ADGRF5: variants seen among roughly 807,000 people sequenced by gnomAD.
ADGRF5 encodes the protein G-protein coupled receptor 116.
Under a neutral mutation model 132.3 loss-of-function variants are expected in ADGRF5, and 75 were observed. That is an observed-to-expected ratio of 0.57 (90% confidence interval 0.47 to 0.69). The LOEUF is 0.69. ADGRF5 is among the 30% of genes least tolerant of loss of function. ADGRF5 has a pLI of 0.00. For missense variants in ADGRF5, 1,516 were observed against 1,630.6 expected (o/e 0.93, Z 1.21); for synonymous variants, 629 against 597.6 (o/e 1.05, Z -0.77).
At chr6:46,886,873 T>C (rs1450637342) in intron 4 of ADGRF5, 2 of 152,190 alleles carry the variant, frequency 1.3e-5, no homozygotes, top group Non-Finnish European at 2.9e-5. Flanking sequence ...GTATCCACTT[T>C]TGTCAAACCT....
intron 1 of ADGRF5, chr6:46,908,859 T>C (rs1775656156): frequency 6.6e-6 from 1 of 152,156 alleles, no homozygotes; most frequent in Admixed American, 6.5e-5. Flanking sequence ...TCAGGGATTC[T>C]TCACTCAAAA....
chr6:46,873,494 C>A (rs1240519049), intron 10 of ADGRF5, among the ~76,000 whole-genome samples: 1 of 152,134 alleles, frequency 6.6e-6, no homozygotes, highest in Admixed American at 6.5e-5. Flanking sequence ...ATGCTTGAGT[C>A]CTAGATGTCT....
intron 3 of ADGRF5, among the ~76,000 whole-genome samples, 191 bp downstream of exon 3, chr6:46,899,838 G>A (rs1365369950): frequency 6.6e-6 from 1 of 152,022 alleles, no homozygotes; most frequent in Non-Finnish European, 1.5e-5. Flanking sequence ...CTTACGTGTT[G>A]TTATGATCCA....
intron 2 of ADGRF5, among the ~76,000 whole-genome samples, chr6:46,900,758 T>C (rs1343140703): frequency 6.6e-6 from 1 of 152,168 alleles, no homozygotes; most frequent in Non-Finnish European, 1.5e-5. Context: ...AATAACAATA[T>C]CAACTTCATA....
intron 12 of ADGRF5, 21 bp downstream of exon 12, chr6:46,868,862 G>T: frequency 6.7e-7 from 1 of 1,482,376 alleles, no homozygotes; most frequent in East Asian, 2.3e-5. Flanking sequence ...AGCACAATAC[G>T]GTGTCCGGCC....
chr6:46,941,387 CAA>C (rs1178957512), intron 1 of ADGRF5, among the ~76,000 whole-genome samples: 1 of 83,120 alleles, frequency 1.2e-5, no homozygotes, highest in African/African-American at 5.2e-5. Context: ...AAGAAAGAAA[CAA>C]AGAAAAGAAA....
chr6:46,922,904 A>T (rs1777053173), upstream of ADGRF5, among the ~76,000 whole-genome samples: 1 of 152,198 alleles, frequency 6.6e-6, no homozygotes, highest in Non-Finnish European at 1.5e-5. Context: ...GGCCGGGTAC[A>T]CATTACTTGA....
intron 3 of ADGRF5, among the ~76,000 whole-genome samples, chr6:46,892,888 T>C (rs1026752260): frequency 6.6e-6 from 1 of 152,196 alleles, no homozygotes; most frequent in Non-Finnish European, 1.5e-5. Flanking sequence ...GTAATTTTAC[T>C]ATTTATTGAA....
At chr6:46,929,276 G>A (rs1435282785) in intron 1 of ADGRF5, among the ~76,000 whole-genome samples, 1 of 152,010 alleles carries the variant, frequency 6.6e-6, no homozygotes, top group Non-Finnish European at 1.5e-5. Flanking sequence ...CTCACTCATA[G>A]GTGAGAATTG....
rs543218876 is a variant in ADGRF5, at chr6:46,904,574, T to C, written c.102+2087A>G. Among the ~76,000 whole-genome samples, 8 of 152,290 alleles carry C rather than the reference T, an allele frequency of 5.3e-5. No homozygotes were observed. In the South Asian group the frequency reaches 1.7e-3, roughly 32 times the overall value. ...AAGGAAATGAGGAGTTATTGACAAA[T>C]GGGTATAGAGTTTGAGTTTTGCAAA... On this transcript the variant is annotated intron_variant, in intron 2 of 20. Transcript: ENST00000283296.
intron 1 of ADGRF5, among the ~76,000 whole-genome samples, chr6:46,937,971 G>T (rs548031312): frequency 1.3e-5 from 2 of 151,776 alleles, no homozygotes; most frequent in Non-Finnish European, 2.9e-5. Context: ...AATATTTATC[G>T]ACCCCACTTG....
chr6:46,942,854 G>A (rs1047292188), intron 1 of ADGRF5, among the ~76,000 whole-genome samples: 1 of 152,172 alleles, frequency 6.6e-6, no homozygotes, highest in Non-Finnish European at 1.5e-5. Flanking sequence ...TGAGAGATGT[G>A]TGCGTGTGTC....
intron 8 of ADGRF5, among the ~76,000 whole-genome samples, chr6:46,880,562 A>C (rs1010658948): frequency 1.3e-5 from 2 of 152,142 alleles, no homozygotes; most frequent in Non-Finnish European, 2.9e-5. Flanking sequence ...GGACCTCTTT[A>C]AGAGTGGGAG....
chr6:46,885,513 T>C lies in ADGRF5; in HGVS notation c.329-1242A>G, dbSNP rs150252539. On this transcript the variant is annotated intron_variant, in intron 4 of 20. Transcript: ENST00000283296. ...CGCACTCGCAGAGAAAAACAAGAGG[T>C]CTTGTCTTGATGGAAGCCCCAGTGA... 8.6e-3 allele frequency among the ~76,000 whole-genome samples: 1,310 copies of C among 152,084 alleles called. 20 individuals carry two copies. The highest frequency in any genetic ancestry group is 0.029 in the African/African-American group (1,189 of 41,474).
At position 46,941,466 on chromosome 6, in the gene ADGRF5, G is replaced by GAAAGA. The variant is rs138829946; in HGVS notation, c.-25+13263_-25+13267dup. Among the ~76,000 whole-genome samples, 21 of 28,008 alleles carry GAAAGA rather than the reference G, an allele frequency of 7.5e-4. 1 individual carries two copies. The highest frequency in any genetic ancestry group is 2.2e-3 in the Admixed American group (7 of 3,226). The allele number at this position is 28,008 out of a possible 152,430, so 18.4% of individuals were successfully genotyped here. A position where few individuals can be genotyped will look rare whatever the true frequency, so the allele number is the denominator to read the frequency against. ...GAAAAGAAAAGAAAAGAAAAGAAAA[G>GAAAGA]AAAGAAAAGAAAAGAAAAGAAAGAA... On this transcript the variant is annotated intron_variant, in intron 1 of 20. Transcript: ENST00000265417.
intron 1 of ADGRF5, among the ~76,000 whole-genome samples, chr6:46,945,653 G>T (rs1401764191): frequency 1.3e-5 from 2 of 152,202 alleles, no homozygotes; most frequent in African/African-American, 4.8e-5. Flanking sequence ...GGTGACCTGT[G>T]AAAAGGAAGT....
intron 3 of ADGRF5, among the ~76,000 whole-genome samples, chr6:46,897,795 T>C (rs1352921128): frequency 6.6e-6 from 1 of 152,162 alleles, no homozygotes; most frequent in Non-Finnish European, 1.5e-5. Flanking sequence ...CTGCCCACCT[T>C]GGCCTCCCAA....
chr6:46,953,651 GTATATATATATATATATATA>G (rs61302381), intron 1 of ADGRF5, among the ~76,000 whole-genome samples: 1,335 of 42,196 alleles, frequency 0.032, 79 homozygotes, highest in African/African-American at 0.09. Flanking sequence ...AGATATATGT[GTATATATATATATATATATA>G]TATATATATA....
chr6:46,897,651 T>G (rs1371671378), intron 3 of ADGRF5, among the ~76,000 whole-genome samples: 1 of 150,764 alleles, frequency 6.6e-6, no homozygotes, highest in Non-Finnish European at 1.5e-5. Context: ...CTCAGCTCAC[T>G]GCAACCTCCG....
Sources: gnomAD v4.1 joint callset for allele counts (sites outside exome capture counted in the v4.1 genomes callset) on GRCh38, gnomAD v4.1.1 for gene constraint, MANE v1.5 for transcripts, NCBI Gene and HGNC (gene_info 2026-07-23, HGNC 2026-07-21) for gene names.